The following EVI5 variants were observed in gnomAD, a reference collection of about 807,000 sequenced individuals.
EVI5 encodes the protein ecotropic viral integration site 5, also known as ecotropic viral integration site 5 protein homolog.
Under a neutral mutation model 112.0 loss-of-function variants are expected in EVI5, and 73 were observed. The ratio of observed to expected loss-of-function variants is 0.65; its 90% confidence interval spans 0.54 to 0.79. The LOEUF is 0.79. Among genes scored for constraint, EVI5 ranks in the 30% least tolerant of loss-of-function variants. The pLI is 0.00. For missense variants in EVI5, 900 were observed against 968.8 expected, an observed-to-expected ratio of 0.93 and a Z score of 0.94; for synonymous variants, 305 against 319.9, an observed-to-expected ratio of 0.95 and a Z score of 0.50.
At chr1:92,586,835 C>T (rs1185733704) in intron 18 of EVI5, among the ~76,000 whole-genome samples, 1 of 151,628 alleles carries the variant, frequency 6.6e-6, no homozygotes, top group Non-Finnish European at 1.5e-5. Flanking sequence ...TGCTGGTGTG[C>T]TGCACAGAAT....
At chr1:92,735,564 G>A (rs1677184537) in intron 2 of EVI5, among the ~76,000 whole-genome samples, 1 of 146,640 alleles carries the variant, frequency 6.8e-6, no homozygotes, top group African/African-American at 2.5e-5. Context: ...AGCACAAAAG[G>A]GTGCTCTTCC....
chr1:92,573,151 C>T (rs1670566299), intron 18 of EVI5, among the ~76,000 whole-genome samples: 2 of 151,820 alleles, frequency 1.3e-5, no homozygotes, highest in Admixed American at 6.6e-5. Context: ...AACAGTGATC[C>T]CCAAAGATAA....
At chr1:92,692,592 T>C (rs1415908844) in intron 9 of EVI5, among the ~76,000 whole-genome samples, 2 of 152,336 alleles carry the variant, frequency 1.3e-5, no homozygotes, top group Admixed American at 6.5e-5. Flanking sequence ...GGTATCACTA[T>C]GTTACCTAGG....
chr1:92,664,055 T>G (rs1276436566), intron 11 of EVI5, among the ~76,000 whole-genome samples: 1 of 152,182 alleles, frequency 6.6e-6, no homozygotes, highest in Non-Finnish European at 1.5e-5. Context: ...GTCAAATATT[T>G]CCTCTTCCTC....
intron 1 of EVI5, among the ~76,000 whole-genome samples, chr1:92,738,206 T>C (rs576187795): frequency 2.1e-3 from 314 of 152,298 alleles, no homozygotes; most frequent in African/African-American, 7.2e-3. Context: ...ACAGAAGCCA[T>C]AGTAGGCACT....
At chr1:92,614,337 A>T (rs138692284) in intron 16 of EVI5, among the ~76,000 whole-genome samples, 287 of 152,354 alleles carry the variant, frequency 1.9e-3, no homozygotes, top group African/African-American at 6.5e-3. Flanking sequence ...CACTCCCAAA[A>T]GACAAAGCAA....
At chr1:92,570,909 G>A (rs1032821014) in intron 18 of EVI5, among the ~76,000 whole-genome samples, 2 of 151,800 alleles carry the variant, frequency 1.3e-5, no homozygotes, top group Non-Finnish European at 2.9e-5. Context: ...CAATAAAGAT[G>A]GATAAAACAG....
intron 14 of EVI5, among the ~76,000 whole-genome samples, chr1:92,629,945 C>T (rs1312061036): frequency 2.0e-5 from 3 of 151,834 alleles, no homozygotes; most frequent in Admixed American, 6.6e-5. Context: ...TGATAGTTTG[C>T]TGAGAATGAT....
At chr1:92,522,355 T>C (rs1001231189) in intron 19 of EVI5, among the ~76,000 whole-genome samples, 10 of 152,088 alleles carry the variant, frequency 6.6e-5, no homozygotes, top group African/African-American at 2.4e-4. Context: ...ATTTATACCT[T>C]TGCCAGGCGT....
intron 19 of EVI5, among the ~76,000 whole-genome samples, chr1:92,551,728 A>G (rs1666972418): frequency 6.6e-6 from 1 of 152,194 alleles, no homozygotes; most frequent in Non-Finnish European, 1.5e-5. Context: ...TGGGAATGCT[A>G]AAAGAAATAG....
chr1:92,554,271 G>A (rs1667376251), intron 19 of EVI5, among the ~76,000 whole-genome samples: 1 of 152,192 alleles, frequency 6.6e-6, no homozygotes, highest in African/African-American at 2.4e-5. Context: ...TTAAACAAAT[G>A]CTTATAGAAC....
chr1:92,550,781 A>AATATAT (rs1330757944), intron 19 of EVI5, among the ~76,000 whole-genome samples: 1,961 of 20,228 alleles, frequency 0.097, 154 homozygotes, highest in Middle Eastern at 0.25. Flanking sequence ...AAAAAAAAAA[A>AATATAT]ATATATATAT....
chr1:92,651,844 C>A (rs1158426887), intron 13 of EVI5, among the ~76,000 whole-genome samples: 2 of 96,566 alleles, frequency 2.1e-5, no homozygotes, highest in Non-Finnish European at 2.3e-5. Context: ...GAGCGAGACT[C>A]CGTCTCAAAA....
intron 1 of EVI5, chr1:92,756,270 T>A: frequency 2.3e-6 from 1 of 430,508 alleles, no homozygotes; most frequent in Non-Finnish European, 4.7e-6. Context: ...GAATTTGTTC[T>A]CTCTGAAGTA....
chr1:92,715,454 T>A (rs1673477614), intron 2 of EVI5, among the ~76,000 whole-genome samples: 1 of 152,204 alleles, frequency 6.6e-6, no homozygotes, highest in Non-Finnish European at 1.5e-5. Context: ...AAATCTCTTT[T>A]CTGAACATCT....
chr1:92,698,102 T>C (rs1670595622), intron 5 of EVI5, 117 bp from the exon 6 acceptor site: 1 of 886,964 alleles, frequency 1.1e-6, no homozygotes, highest in East Asian at 2.4e-5. Context: ...GGCTGTGTGC[T>C]GCAATGTTAA....
In EVI5 at chr1:92,553,237, C is replaced by A. The variant is rs567600459; in HGVS notation, c.2166+10405G>T. ...CCTCTGCCTCCCAGGCTCAAGAGAT[C>A]TTCCCATCTCAGCCTCCCAAGTAGC... On this transcript the variant is annotated intron_variant, in intron 19 of 19. Transcript: ENST00000684568. 2.0e-4 allele frequency among the ~76,000 whole-genome samples: 29 copies of A among 148,664 alleles called. No individual in the cohort carries two copies. The South Asian group carries it at 2.4e-3, about 12-fold the overall frequency.
At chr1:92,590,947 G>T (rs569486986) in intron 18 of EVI5, among the ~76,000 whole-genome samples, 116 of 152,274 alleles carry the variant, frequency 7.6e-4, no homozygotes, top group African/African-American at 2.6e-3. Flanking sequence ...GAAGAGAGTG[G>T]GGGCCAATAT....
Position 92,697,963 on chromosome 1 carries a change from CAGAA to C in EVI5, c.658_661del (p.Phe220ValfsTer6). ...ATCTTGCATTAATTTAACAAATACA[CAGAA>C]AGCTTCTTCTTCTGGCATCTACATT... On this transcript the variant is annotated frameshift_variant, in exon 6 of 20. Transcript: ENST00000684568. LOFTEE classifies it high-confidence loss of function. 1 of 1,611,468 alleles carries C rather than the reference CAGAA, an allele frequency of 6.2e-7. No homozygotes were observed. Among genetic ancestry groups the C allele is most frequent in the African/African-American group, 1.3e-5 (1 of 74,944 alleles).
Sources: gnomAD v4.1 joint callset for allele counts (sites outside exome capture counted in the v4.1 genomes callset) on GRCh38, gnomAD v4.1.1 for gene constraint, MANE v1.5 for transcripts, NCBI Gene and HGNC (gene_info 2026-07-23, HGNC 2026-07-21) for gene names.